NSUN6: variants seen among roughly 807,000 people sequenced by gnomAD.
NSUN6 encodes NOP2/Sun RNA methyltransferase 6.
A neutral mutation model predicts 58.0 loss-of-function variants in NSUN6; 64 were observed. The ratio of observed to expected loss-of-function variants is 1.10; its 90% CI spans 0.90 to 1.36. The LOEUF (loss-of-function observed/expected upper bound fraction) is 1.36. Ranked by LOEUF, NSUN6 falls within the 40% of genes most tolerant of loss-of-function variation. The pLI, the probability that NSUN6 is intolerant of heterozygous loss-of-function variation, is 0.00. For synonymous variants in NSUN6, 231 were observed against 193.9 expected (o/e 1.19, Z -1.59); for missense variants, 701 against 550.1 (o/e 1.27, Z -2.74).
intron 8 of NSUN6, among the ~76,000 whole-genome samples, chr10:18,567,412 T>C (rs1564731550): frequency 1.3e-5 from 2 of 149,158 alleles, no homozygotes; most frequent in African/African-American, 4.9e-5. Context: ...TCATTGCATT[T>C]CATGCTCCAT....
upstream of NSUN6, chr10:18,652,684 C>G: frequency 3.4e-6 from 2 of 588,436 alleles, no homozygotes; most frequent in Non-Finnish European, 4.3e-6. Context: ...CTTGGCCTCC[C>G]GAGTAGCTAA....
At chr10:18,607,074 G>C (rs1213131219) in intron 6 of NSUN6, among the ~76,000 whole-genome samples, 2 of 152,174 alleles carry the variant, frequency 1.3e-5, no homozygotes, top group Non-Finnish European at 2.9e-5. Flanking sequence ...TATTATTAAA[G>C]TATCAGCATC....
intron 3 of NSUN6, among the ~76,000 whole-genome samples, chr10:18,629,167 G>A (rs986200341): frequency 6.6e-6 from 1 of 152,126 alleles, no homozygotes; most frequent in Non-Finnish European, 1.5e-5. Flanking sequence ...CTTCATAAGT[G>A]AAGGAAAAAT....
chr10:18,612,238 C>T (rs1212620525), intron 5 of NSUN6, among the ~76,000 whole-genome samples: 1 of 151,856 alleles, frequency 6.6e-6, no homozygotes, highest in Non-Finnish European at 1.5e-5. Flanking sequence ...GGCAACATGG[C>T]AAGACCCCCA....
chr10:18,627,500 C>A lies in NSUN6; in HGVS notation c.312-11207G>T, dbSNP rs951094792. ...ATTTCTGCATTTCCATCTGAGGTACCGGGTTCATCTCACTAGGGAGTGCCA... is the reference window on the plus strand; with the variant it reads ...ATTTCTGCATTTCCATCTGAGGTACAGGGTTCATCTCACTAGGGAGTGCCA... On this transcript the variant is annotated intron_variant, in intron 3 of 10. Transcript: ENST00000377304. 7.2e-5 allele frequency among the ~76,000 whole-genome samples: 11 copies of A among 152,248 alleles called. 1 individual carries two copies. Among genetic ancestry groups the A allele is most frequent in the Admixed American group, 7.2e-4 (11 of 15,290 alleles).
chr10:18,650,106 AT>A (rs1467633046), intron 1 of NSUN6, among the ~76,000 whole-genome samples: 1 of 152,232 alleles, frequency 6.6e-6, no homozygotes, highest in Non-Finnish European at 1.5e-5. Flanking sequence ...GACAATCAAC[AT>A]TTACTGAGGA....
intron 3 of NSUN6, among the ~76,000 whole-genome samples, chr10:18,627,422 T>A (rs146299657): frequency 6.6e-6 from 1 of 152,100 alleles, no homozygotes; most frequent in Non-Finnish European, 1.5e-5. Context: ...AGGAGAAGAA[T>A]AGGAACAGCT....
chr10:18,654,986 GT>G, upstream of NSUN6: 1 of 755,940 alleles, frequency 1.3e-6, no homozygotes, highest in Non-Finnish European at 1.6e-6. Context: ...TCTTGGATTG[GT>G]TCATCTTTAT....
intron 3 of NSUN6, among the ~76,000 whole-genome samples, chr10:18,623,217 C>T (rs1294490241): frequency 6.6e-6 from 1 of 152,038 alleles, no homozygotes; most frequent in Non-Finnish European, 1.5e-5. Context: ...TGATGCATTA[C>T]TTTTAAAATT....
At chr10:18,632,275 A>C (rs569054561) in intron 3 of NSUN6, among the ~76,000 whole-genome samples, 106 of 149,968 alleles carry the variant, frequency 7.1e-4, no homozygotes, top group African/African-American at 2.5e-3. Context: ...TAAAGACTTA[A>C]ACGTTAGACC....
At chr10:18,596,416 A>G in intron 6 of NSUN6, 89 bp from the exon 7 acceptor site, 2 of 797,886 alleles carry the variant, frequency 2.5e-6, no homozygotes, top group Non-Finnish European at 4.2e-6. Context: ...CTTTGGGGGT[A>G]ATCCACTACA....
chr10:18,631,898 A>C, intron 3 of NSUN6, among the ~76,000 whole-genome samples: 1 of 152,222 alleles, frequency 6.6e-6, no homozygotes, highest in East Asian at 1.9e-4. Flanking sequence ...GAAGTGGAAA[A>C]AACTACTTTA....
chr10:18,657,991 A>G (rs973573177), upstream of NSUN6, among the ~76,000 whole-genome samples: 1 of 152,198 alleles, frequency 6.6e-6, no homozygotes, highest in Non-Finnish European at 1.5e-5. Context: ...AGAAAAAAAA[A>G]AAAAAAGCAG....
intron 3 of NSUN6, among the ~76,000 whole-genome samples, chr10:18,628,161 GT>G (rs1270256069): frequency 2.0e-5 from 3 of 152,132 alleles, no homozygotes; most frequent in African/African-American, 4.8e-5. Flanking sequence ...ACCTCACACG[GT>G]CAGGTACTCC....
intron 8 of NSUN6, among the ~76,000 whole-genome samples, chr10:18,564,820 T>C (rs886960003): frequency 6.6e-5 from 10 of 151,012 alleles, no homozygotes; most frequent in African/African-American, 2.4e-4. Flanking sequence ...CATTATTCAA[T>C]TCATTCTCCA....
intron 10 of NSUN6, among the ~76,000 whole-genome samples, chr10:18,546,720 A>T (rs1589800406): frequency 6.6e-6 from 1 of 152,014 alleles, no homozygotes; most frequent in African/African-American, 2.4e-5. Flanking sequence ...TCTACCAAAA[A>T]TACAAAAATT....
chr10:18,600,963 T>TATATATATATAC (rs2057806702), intron 6 of NSUN6, among the ~76,000 whole-genome samples: 1 of 71,506 alleles, frequency 1.4e-5, no homozygotes, highest in African/African-American at 4.7e-5. Flanking sequence ...TATATATACA[T>TATATATATATAC]ATATATATAT....
intron 9 of NSUN6, among the ~76,000 whole-genome samples, chr10:18,548,831 T>C (rs1352130410): frequency 6.6e-6 from 1 of 152,140 alleles, no homozygotes; most frequent in Non-Finnish European, 1.5e-5. Context: ...TTTTCCTATC[T>C]TTCCAGAATC....
At chr10:18,645,387 CAT>C (rs914594843) in intron 2 of NSUN6, among the ~76,000 whole-genome samples, 1 of 152,038 alleles carries the variant, frequency 6.6e-6, no homozygotes, top group African/African-American at 2.4e-5. Context: ...GAATATGAAA[CAT>C]AAAAGAATTT....
Sources: gnomAD v4.1 joint callset for allele counts (sites outside exome capture counted in the v4.1 genomes callset) on GRCh38, gnomAD v4.1.1 for gene constraint, MANE v1.5 for transcripts, NCBI Gene and HGNC (gene_info 2026-07-23, HGNC 2026-07-21) for gene names.